PKN2: variants seen among roughly 807,000 people sequenced by gnomAD.
The protein encoded by PKN2 is protein kinase N2.
PKN2 carries 38 observed loss-of-function variants against 119.1 expected under a neutral mutation model. The ratio of observed to expected loss-of-function variants is 0.32; its 90% CI spans 0.25 to 0.42. The LOEUF (loss-of-function observed/expected upper bound fraction) is 0.42. Ranked by LOEUF, PKN2 falls within the 10% of genes least tolerant of loss-of-function variation. The probability of loss-of-function intolerance (pLI) is 1.00; values close to 1 mark genes in which losing one functional copy is unlikely to be tolerated. For synonymous variants in PKN2, 390 were observed against 384.9 expected (o/e 1.01, Z -0.15); for missense variants, 850 against 1,165.1 (o/e 0.73, Z 3.94).
intron 8 of PKN2, among the ~76,000 whole-genome samples, chr1:88,795,246 A>G (rs1027530562): frequency 4.6e-5 from 7 of 152,112 alleles, no homozygotes; most frequent in Non-Finnish European, 8.8e-5. Context: ...TTTACAGTCT[A>G]TGATCATTCA....
intron 8 of PKN2, among the ~76,000 whole-genome samples, chr1:88,796,221 A>G (rs923298717): frequency 6.6e-6 from 1 of 152,136 alleles, no homozygotes; most frequent in Non-Finnish European, 1.5e-5. Context: ...CATCTGAAAA[A>G]TTTGAAATCC....
chr1:88,742,443 C>T (rs895205693), intron 2 of PKN2, among the ~76,000 whole-genome samples: 2 of 151,978 alleles, frequency 1.3e-5, no homozygotes, highest in Non-Finnish European at 2.9e-5. Flanking sequence ...GAGATTTCAA[C>T]CTTGTAAGAA....
rs1483389745 is a variant in PKN2 at position 88,833,674 on chromosome 1, TTTAAG to T, written c.*229_*233del. On this transcript the variant is annotated 3_prime_UTR_variant, in exon 22 of 22. Transcript: ENST00000370521. ...GAGCACTGGAAACAGTTTCATGGAG[TTTAAG>T]TTGAGTGAACATCGGCCATGAAAAT... The T allele has an allele frequency of 4.9e-5, 23 of 464,980 alleles. 2 individuals carry two copies. Among genetic ancestry groups the T allele is most frequent in the African/African-American group, 3.8e-4 (19 of 49,816 alleles). 28.8% of individuals were successfully genotyped at this position (464,980 alleles called of 1,614,324 possible). A position where few individuals can be genotyped will look rare whatever the true frequency, so the allele number is the denominator to read the frequency against.
chr1:88,830,770 T>G (rs1194204592), intron 19 of PKN2, among the ~76,000 whole-genome samples: 1 of 152,128 alleles, frequency 6.6e-6, no homozygotes, highest in African/African-American at 2.4e-5. Context: ...GATCTGGCTA[T>G]TTCTTCACAG....
intron 6 of PKN2, among the ~76,000 whole-genome samples, chr1:88,784,276 GC>G (rs1167055880): frequency 6.6e-6 from 1 of 150,678 alleles, no homozygotes; most frequent in Non-Finnish European, 1.5e-5. Flanking sequence ...GGCGCACACC[GC>G]CTCGCCCAGC....
At chr1:88,760,150 G>T in intron 2 of PKN2, 72 bp from the exon 3 acceptor site, 26 of 820,482 alleles carry the variant, frequency 3.2e-5, no homozygotes, top group Middle Eastern at 2.8e-4. Flanking sequence ...CTGTTTATTT[G>T]AAAAATATTA....
intron 1 of PKN2, among the ~76,000 whole-genome samples, chr1:88,695,838 GTC>G (rs1666521380): frequency 6.6e-6 from 1 of 152,052 alleles, no homozygotes; most frequent in East Asian, 1.9e-4. Context: ...ATAAGTTAAC[GTC>G]TCTCATGTTT....
At chr1:88,740,955 A>T in intron 1 of PKN2, 33 bp from the exon 2 acceptor site, 1 of 1,473,208 alleles carries the variant, frequency 6.8e-7, no homozygotes, top group Non-Finnish European at 9.1e-7. Flanking sequence ...ACTCTCCTAA[A>T]CTCCCACATT....
chr1:88,804,285 TTTTG>T, intron 8 of PKN2, 102 bp from the exon 9 acceptor site: 1 of 841,376 alleles, frequency 1.2e-6, no homozygotes, highest in African/African-American at 1.7e-5. Context: ...TGTGTGTAAT[TTTTG>T]TTTATTGTAT....
chr1:88,771,278 C>G, intron 4 of PKN2, 143 bp from the exon 5 acceptor site: 1 of 517,912 alleles, frequency 1.9e-6, no homozygotes, highest in Non-Finnish European at 3.3e-6. Flanking sequence ...AATATCATAT[C>G]AAATATTTTT....
chr1:88,720,791 C>T (rs1667646059), intron 1 of PKN2, among the ~76,000 whole-genome samples: 2 of 152,132 alleles, frequency 1.3e-5, no homozygotes, highest in Admixed American at 6.5e-5. Context: ...CCACCTTTCC[C>T]TCTGGTGTTC....
chr1:88,684,486 T>C lies in PKN2; in HGVS notation c.-95T>C. ...CTAGTTGTTTTTTTTTTTTTCTTTCTCTCCCCTCTCCTCACCCCCACCCCG... is the reference window on the plus strand; with the variant it reads ...CTAGTTGTTTTTTTTTTTTTCTTTCCCTCCCCTCTCCTCACCCCCACCCCG... On this transcript the variant is annotated 5_prime_UTR_variant, in exon 1 of 22. Coordinates refer to ENST00000370521, the MANE Select transcript of PKN2 (RefSeq NM_006256.4). 1.1e-6 allele frequency: 1 copy of C among 886,008 alleles called. No homozygotes were observed. The highest frequency in any genetic ancestry group is 1.7e-6 in the Non-Finnish European group (1 of 599,504). 54.9% of individuals were successfully genotyped at this position (886,008 alleles called of 1,614,324 possible).
intron 1 of PKN2, among the ~76,000 whole-genome samples, chr1:88,738,031 T>G (rs1433404849): frequency 6.6e-6 from 1 of 152,172 alleles, no homozygotes; most frequent in Non-Finnish European, 1.5e-5. Context: ...CTGGAGAGTC[T>G]TATTCAGCCA....
rs140676267 is a variant in PKN2, at chr1:88,819,380, C to T, written c.2280-2561C>T. On this transcript the variant is annotated intron_variant, in intron 16 of 21. Coordinates refer to ENST00000370521, the MANE Select transcript of PKN2 (RefSeq NM_006256.4). Reference sequence around the variant, plus strand: ...AGGTGAAGGATATGAACAGACACTTCTCAAGACATTTATCCAAAAAACATA... The same window carrying T: ...AGGTGAAGGATATGAACAGACACTTTTCAAGACATTTATCCAAAAAACATA... 1.8e-3 allele frequency among the ~76,000 whole-genome samples: 271 copies of T among 152,066 alleles called. 1 individual carries two copies. Among genetic ancestry groups the T allele is most frequent in the African/African-American group, 6.2e-3 (256 of 41,528 alleles).
At chr1:88,752,303 T>C (rs1049629350) in intron 2 of PKN2, among the ~76,000 whole-genome samples, 1 of 152,158 alleles carries the variant, frequency 6.6e-6, no homozygotes, top group Non-Finnish European at 1.5e-5. Context: ...TTGTTAATCC[T>C]GGTAATTTTG....
At chr1:88,799,678 T>C (rs1389070513) in intron 8 of PKN2, among the ~76,000 whole-genome samples, 1 of 152,202 alleles carries the variant, frequency 6.6e-6, no homozygotes, top group Non-Finnish European at 1.5e-5. Context: ...AGTTCCTTTT[T>C]TAAGATTTAG....
chr1:88,724,575 C>CTT (rs35072207), intron 1 of PKN2, among the ~76,000 whole-genome samples: 33 of 141,044 alleles, frequency 2.3e-4, no homozygotes, highest in African/African-American at 7.8e-4. Flanking sequence ...AGGGATTACT[C>CTT]TTTTTTTTTT....
chr1:88,769,591 GTATATA>G (rs925612421), intron 3 of PKN2, among the ~76,000 whole-genome samples: 47 of 152,106 alleles, frequency 3.1e-4, no homozygotes, highest in African/African-American at 9.6e-4. Flanking sequence ...ATTGTGCGAT[GTATATA>G]TATATGTATA....
At chr1:88,787,706 C>T (rs1421299744) in intron 8 of PKN2, among the ~76,000 whole-genome samples, 1 of 152,232 alleles carries the variant, frequency 6.6e-6, no homozygotes, top group Non-Finnish European at 1.5e-5. Flanking sequence ...TAATCTTCAC[C>T]TGAAAATGTT....
Sources: allele counts gnomAD v4.1 joint callset (sites outside exome capture counted in the v4.1 genomes callset), GRCh38; gene constraint gnomAD v4.1.1; transcripts MANE v1.5; gene names NCBI Gene and HGNC (gene_info 2026-07-23, HGNC 2026-07-21).